The following ZNF385D variants were observed in gnomAD, a reference collection of about 807,000 sequenced individuals.
ZNF385D encodes the protein zinc finger protein 385D, also known as zinc finger protein 659.
Under a neutral mutation model 35.8 loss-of-function variants are expected in ZNF385D, and 15 were observed. The ratio of observed to expected loss-of-function variants is 0.42; its 90% CI spans 0.28 to 0.64. ZNF385D has a LOEUF of 0.64. Ranked by LOEUF, ZNF385D falls within the 30% of genes least tolerant of loss-of-function variation. The pLI, the probability that ZNF385D is intolerant of heterozygous loss-of-function variation, is 0.23. For synonymous variants in ZNF385D, 212 were observed against 186.8 expected (o/e 1.13, Z -1.10); for missense variants, 474 against 494.6 (o/e 0.96, Z 0.39).
chr3:22,075,848 T>C (rs1223417387), intron 3 of ZNF385D, among the ~76,000 whole-genome samples: 1 of 151,920 alleles, frequency 6.6e-6, no homozygotes, highest in Non-Finnish European at 1.5e-5. Flanking sequence ...ATAAATGAGT[T>C]CAACTATAAC....
At chr3:22,034,154 A>T (rs1698176398) in intron 3 of ZNF385D, among the ~76,000 whole-genome samples, 1 of 152,168 alleles carries the variant, frequency 6.6e-6, no homozygotes, top group Non-Finnish European at 1.5e-5. Context: ...TTTATTCCCC[A>T]ATGTGATTGC....
At chr3:21,951,022 T>C (rs1437623716) in intron 3 of ZNF385D, among the ~76,000 whole-genome samples, 6 of 151,676 alleles carry the variant, frequency 4.0e-5, no homozygotes, top group African/African-American at 2.4e-5. Flanking sequence ...TTGTCTTGCC[T>C]ATATGGGCTC....
At chr3:22,156,643 T>C (rs868162905) in intron 3 of ZNF385D, among the ~76,000 whole-genome samples, 2 of 152,106 alleles carry the variant, frequency 1.3e-5, no homozygotes, top group African/African-American at 2.4e-5. Context: ...AATGCCTCCA[T>C]AGCAGACTTT....
chr3:21,517,810 C>A (rs1292214484), intron 3 of ZNF385D, among the ~76,000 whole-genome samples: 1 of 152,168 alleles, frequency 6.6e-6, no homozygotes, highest in East Asian at 1.9e-4. Context: ...AGCAGATTTC[C>A]AAATTCTTAC....
At position 21,425,647 on chromosome 3, in the gene ZNF385D, C is replaced by A; in HGVS notation, c.697G>T (p.Glu233Ter). ...ATAGTGCCACTTCCATTCCGGGCTT[C>A]TAACATGGTTTTGTGCTTAGTACCT... ...NSGTKHKTML[E>*]ARNGSGTIKA... is the part of the protein sequence containing the mutation. Residue 233 changes from glutamate to a stop codon, truncating the protein, a stop_gained, in exon 6 of 8, where the codon GAA (glutamate) becomes TAA (stop). Transcript: ENST00000281523. LOFTEE classifies it high-confidence loss of function. The A allele has an allele frequency of 6.3e-7, 1 of 1,587,620 alleles. No homozygotes were observed. The highest frequency in any genetic ancestry group is 8.6e-7 in the Non-Finnish European group (1 of 1,165,000).
At chr3:22,120,969 C>T (rs986881789) in intron 3 of ZNF385D, among the ~76,000 whole-genome samples, 4 of 152,120 alleles carry the variant, frequency 2.6e-5, no homozygotes, top group African/African-American at 7.2e-5. Context: ...TTTCTTCTGA[C>T]TAGACCATAT....
intron 3 of ZNF385D, among the ~76,000 whole-genome samples, chr3:21,983,167 ATT>A (rs370511511): frequency 4.1e-3 from 434 of 106,130 alleles, no homozygotes; most frequent in African/African-American, 0.018. Context: ...TTATTTTATT[ATT>A]TTTTTTTATT....
intron 3 of ZNF385D, among the ~76,000 whole-genome samples, chr3:22,080,651 C>T (rs1010572556): frequency 1.2e-4 from 18 of 151,792 alleles, no homozygotes; most frequent in African/African-American, 4.4e-4. Context: ...TGAAATACTT[C>T]GATAAATATC....
chr3:21,592,765 C>A (rs1316494783), intron 2 of ZNF385D, among the ~76,000 whole-genome samples: 1 of 152,112 alleles, frequency 6.6e-6, no homozygotes, highest in Non-Finnish European at 1.5e-5. Context: ...AAAACCTATT[C>A]CATTTTCTTC....
chr3:22,082,464 G>A (rs971931563), intron 3 of ZNF385D, among the ~76,000 whole-genome samples: 4 of 152,238 alleles, frequency 2.6e-5, no homozygotes, highest in South Asian at 4.1e-4. Context: ...GCAGCAGTCC[G>A]AGATCAAACT....
intron 3 of ZNF385D, among the ~76,000 whole-genome samples, chr3:21,843,928 T>A (rs1016229308): frequency 6.6e-6 from 1 of 151,916 alleles, no homozygotes; most frequent in African/African-American, 2.4e-5. Flanking sequence ...GAAACAGACA[T>A]AGAATGTGCA....
At chr3:22,028,157 A>G (rs1697683851) in intron 3 of ZNF385D, among the ~76,000 whole-genome samples, 3 of 152,292 alleles carry the variant, frequency 2.0e-5, no homozygotes, top group African/African-American at 7.2e-5. Flanking sequence ...TTTGGGGAAG[A>G]GGTATGTGGA....
chr3:22,309,387 T>C (rs949969374), intron 2 of ZNF385D, among the ~76,000 whole-genome samples: 3 of 152,074 alleles, frequency 2.0e-5, no homozygotes, highest in African/African-American at 7.2e-5. Flanking sequence ...CAAGTATAAA[T>C]AAAATGTTTC....
At chr3:22,288,329 A>T (rs983609214) in intron 2 of ZNF385D, among the ~76,000 whole-genome samples, 1 of 151,884 alleles carries the variant, frequency 6.6e-6, no homozygotes, top group Non-Finnish European at 1.5e-5. Flanking sequence ...TTATTTGAGT[A>T]TATTTTTGGT....
intron 3 of ZNF385D, among the ~76,000 whole-genome samples, chr3:22,124,950 G>A: frequency 6.6e-6 from 1 of 152,010 alleles, no homozygotes; most frequent in East Asian, 1.9e-4. Flanking sequence ...ATTTTGGTTT[G>A]GTTGCCTGTG....
Position 21,910,940 on chromosome 3 carries a change from A to G in ZNF385D, c.326-245912T>C, listed in dbSNP as rs60516939. Among the ~76,000 whole-genome samples, 839 of 152,030 alleles carry G rather than the reference A, an allele frequency of 5.5e-3. 5 individuals carry two copies. Among genetic ancestry groups the G allele is most frequent in the African/African-American group, 0.019 (796 of 41,534 alleles). ...TAGAATTAGTTGAAGTACAAAATAA[A>G]CCTGATGCTTTTTAATTAGATGAAA... On this transcript the variant is annotated intron_variant, in intron 3 of 5. Coordinates refer to the ZNF385D transcript ENST00000494108.
chr3:21,721,021 T>C (rs2068518117), intron 1 of ZNF385D, among the ~76,000 whole-genome samples: 2 of 152,222 alleles, frequency 1.3e-5, no homozygotes, highest in Non-Finnish European at 1.5e-5. Flanking sequence ...CTATTTAATT[T>C]TTAAAAAACA....
chr3:21,499,241 A>G (rs1191174924), intron 4 of ZNF385D, among the ~76,000 whole-genome samples: 1 of 152,182 alleles, frequency 6.6e-6, no homozygotes, highest in African/African-American at 2.4e-5. Flanking sequence ...ATGCCCATCA[A>G]TGGTAGACTG....
At chr3:21,439,082 G>A (rs114211853) in intron 4 of ZNF385D, among the ~76,000 whole-genome samples, 2,306 of 152,048 alleles carry the variant, frequency 0.015, 45 homozygotes, top group African/African-American at 0.051. Flanking sequence ...GCTAATTTGC[G>A]AAGTGTTTTA....
Sources: gnomAD v4.1 joint callset for allele counts (sites outside exome capture counted in the v4.1 genomes callset) on GRCh38, gnomAD v4.1.1 for gene constraint, MANE v1.5 for transcripts, NCBI Gene and HGNC (gene_info 2026-07-23, HGNC 2026-07-21) for gene names.